The following DLGAP1 variants were observed in gnomAD, a reference collection of about 807,000 sequenced individuals.
DLGAP1 encodes disks large-associated protein 1.
DLGAP1 carries 11 observed loss-of-function variants against 90.8 expected under a neutral mutation model. The ratio of observed to expected loss-of-function variants is 0.12; its 90% CI spans 0.08 to 0.20. The LOEUF (loss-of-function observed/expected upper bound fraction) is 0.20. Ranked by LOEUF, DLGAP1 falls within the 10% of genes least tolerant of loss-of-function variation. DLGAP1 has a pLI of 1.00. For synonymous variants in DLGAP1, 558 were observed against 540.7 expected (o/e 1.03, Z -0.44); for missense variants, 1,050 against 1,333.8 (o/e 0.79, Z 3.31).
intron 1 of DLGAP1, among the ~76,000 whole-genome samples, chr18:4,221,729 TTACTC>T (rs1245167661): frequency 2.6e-5 from 4 of 152,262 alleles, no homozygotes; most frequent in South Asian, 2.1e-4. Context: ...GCCTCATACT[TTACTC>T]TATGTTGACT....
chr18:4,436,047 G>C (rs939052290), intron 1 of DLGAP1, among the ~76,000 whole-genome samples: 2 of 152,162 alleles, frequency 1.3e-5, no homozygotes, highest in Non-Finnish European at 2.9e-5. Context: ...GATGGTTTTG[G>C]TGGTAAGGAG....
intron 3 of DLGAP1, among the ~76,000 whole-genome samples, chr18:3,940,882 G>A (rs2095945751): frequency 6.6e-6 from 1 of 152,162 alleles, no homozygotes; most frequent in East Asian, 1.9e-4. Flanking sequence ...GCTTAAATGA[G>A]TGAAATAATT....
At chr18:4,211,275 C>T (rs1036454957) in intron 1 of DLGAP1, among the ~76,000 whole-genome samples, 4 of 152,238 alleles carry the variant, frequency 2.6e-5, no homozygotes, top group South Asian at 2.1e-4. Flanking sequence ...GCATGAATCA[C>T]GAGCAGCTTG....
At chr18:4,249,633 G>A (rs939520571) in intron 1 of DLGAP1, among the ~76,000 whole-genome samples, 2 of 152,056 alleles carry the variant, frequency 1.3e-5, no homozygotes, top group Non-Finnish European at 2.9e-5. Flanking sequence ...AATTGCCTAG[G>A]CTGGTGTGCA....
intron 5 of DLGAP1, among the ~76,000 whole-genome samples, chr18:3,757,941 T>C (rs1381580504): frequency 6.6e-6 from 1 of 151,902 alleles, no homozygotes; most frequent in Non-Finnish European, 1.5e-5. Flanking sequence ...TGGTGAAACC[T>C]CGTCTCTACT....
intron 9 of DLGAP1, among the ~76,000 whole-genome samples, chr18:3,549,869 G>A (rs1381910274): frequency 2.6e-5 from 4 of 152,100 alleles, no homozygotes; most frequent in South Asian, 2.1e-4. Context: ...GTATGTGACT[G>A]TATTTGGAGA....
At chr18:3,947,939 T>C (rs1257592708) in intron 3 of DLGAP1, among the ~76,000 whole-genome samples, 1 of 152,140 alleles carries the variant, frequency 6.6e-6, no homozygotes, top group Non-Finnish European at 1.5e-5. Flanking sequence ...AGTGGTGGTG[T>C]TGGTGGGTGC....
chr18:3,684,140 C>T (rs1021688938), intron 7 of DLGAP1, among the ~76,000 whole-genome samples: 15 of 150,104 alleles, frequency 1.0e-4, no homozygotes, highest in Non-Finnish European at 1.8e-4. Flanking sequence ...GTTAAAGTAC[C>T]ATATATTTAT....
At chr18:4,150,862 C>A (rs1413845628) in intron 2 of DLGAP1, among the ~76,000 whole-genome samples, 1 of 152,208 alleles carries the variant, frequency 6.6e-6, no homozygotes, top group Non-Finnish European at 1.5e-5. Context: ...ACCTAACCTA[C>A]CTTATGTACA....
At chr18:3,575,996 A>G (rs995447000) in intron 8 of DLGAP1, among the ~76,000 whole-genome samples, 1 of 152,172 alleles carries the variant, frequency 6.6e-6, no homozygotes, top group African/African-American at 2.4e-5. Context: ...GAAACAGCAC[A>G]TTTATTTATT....
intron 1 of DLGAP1, among the ~76,000 whole-genome samples, chr18:4,418,255 G>A (rs373478080): frequency 2.4e-4 from 36 of 152,056 alleles, no homozygotes; most frequent in African/African-American, 7.7e-4. Flanking sequence ...AGTTTCCATT[G>A]AACTACAGAA....
chr18:3,787,217 C>A (rs202078181), intron 5 of DLGAP1, among the ~76,000 whole-genome samples: 1 of 151,996 alleles, frequency 6.6e-6, no homozygotes, highest in Admixed American at 6.5e-5. Flanking sequence ...GGCGTGGTGG[C>A]TTACACCTGT....
At chr18:4,246,440 G>C (rs1402629) in intron 1 of DLGAP1, among the ~76,000 whole-genome samples, 63,179 of 152,002 alleles carry the variant, frequency 0.42, 15,457 homozygotes, top group East Asian at 0.79. Context: ...CATCAATCTG[G>C]GATATGGTCA....
At chr18:4,156,917 A>G (rs2076766417) in intron 1 of DLGAP1, among the ~76,000 whole-genome samples, 1 of 152,218 alleles carries the variant, frequency 6.6e-6, no homozygotes, top group African/African-American at 2.4e-5. Context: ...AACATTTCTG[A>G]AAGGCATGGA....
In DLGAP1 at chr18:4,378,954, G is replaced by A. The variant is rs1038338242; in HGVS notation, c.-267+76052C>T. 6.6e-6 allele frequency among the ~76,000 whole-genome samples: 1 copy of A among 152,056 alleles called. No homozygotes were observed. Among genetic ancestry groups the A allele is most frequent in the Non-Finnish European group, 1.5e-5 (1 of 68,004 alleles). On this transcript the variant is annotated intron_variant, in intron 1 of 12. Transcript: ENST00000315677. This position sits in a 1 kb window ranked among gnomAD's most constrained non-coding sequence, Gnocchi z 4.5. ...TCCCCTCCAGAGAGAGTGAGTCCCT[G>A]CTTATCCATGTTCACAGCATGTGAT...
intron 1 of DLGAP1, among the ~76,000 whole-genome samples, chr18:4,251,006 G>T (rs2078768178): frequency 2.0e-5 from 3 of 151,882 alleles, no homozygotes; most frequent in Non-Finnish European, 2.9e-5. Flanking sequence ...AACACAAGAA[G>T]AATTTACACA....
chr18:3,772,385 T>C (rs1286173367), intron 5 of DLGAP1, among the ~76,000 whole-genome samples: 23 of 10,432 alleles, frequency 2.2e-3, no homozygotes, highest in Non-Finnish European at 7.7e-3. Flanking sequence ...TCTTTCTTTC[T>C]TTCTTTCTTT....
chr18:3,855,760 C>A (rs950840261), intron 4 of DLGAP1, among the ~76,000 whole-genome samples: 1 of 152,086 alleles, frequency 6.6e-6, no homozygotes, highest in African/African-American at 2.4e-5. Context: ...ACTACAGACG[C>A]GTGCCACCAC....
intron 1 of DLGAP1, among the ~76,000 whole-genome samples, chr18:4,239,278 A>G (rs147858148): frequency 5.0e-4 from 76 of 152,322 alleles, no homozygotes; most frequent in African/African-American, 1.8e-3. Flanking sequence ...GTTTTGATCT[A>G]TCTCCTAAAT....
Sources: allele counts gnomAD v4.1 joint callset (sites outside exome capture counted in the v4.1 genomes callset), GRCh38; gene constraint gnomAD v4.1.1; non-coding constraint Gnocchi (gnomAD v3.1); transcripts MANE v1.5; gene names NCBI Gene and HGNC (gene_info 2026-07-23, HGNC 2026-07-21).